SCAPER: variants seen among roughly 807,000 people sequenced by gnomAD.
SCAPER encodes S-phase cyclin A associated protein in the ER, also known as S phase cyclin A-associated protein in the endoplasmic reticulum.
In SCAPER, 98 loss-of-function variants were observed where a neutral mutation model predicts 182.2. The observed-to-expected ratio is 0.54, with a 90% CI of 0.46 to 0.64. SCAPER has a LOEUF of 0.64. Ranked by LOEUF, SCAPER falls within the 30% of genes least tolerant of loss-of-function variation. The probability of loss-of-function intolerance (pLI) is 0.00; values close to 1 mark genes in which losing one functional copy is unlikely to be tolerated. For missense variants in SCAPER, 1,432 were observed against 1,690.0 expected, an observed-to-expected ratio of 0.85 and a Z score of 2.68; for synonymous variants, 605 against 564.6, an observed-to-expected ratio of 1.07 and a Z score of -1.01.
rs151255854 is a variant in SCAPER at position 76,689,788 on chromosome 15, C to T, written c.2508+11970G>A. Among the ~76,000 whole-genome samples, 473 of 151,304 alleles carry T rather than the reference C, an allele frequency of 3.1e-3. 5 individuals are homozygous for T. Among genetic ancestry groups the T allele is most frequent in the African/African-American group, 0.011 (452 of 41,318 alleles). ...CTGCTGCTTACAAGATTATAAAATG[C>T]CAGTAAAGAGGTGTCCAAAAAAAAC... On this transcript the variant is annotated intron_variant, in intron 20 of 31. Transcript: ENST00000563290.
chr15:76,621,794 T>C lies in SCAPER; in HGVS notation c.2681A>G (p.Asn894Ser). ...TTTATAAGGTGAATCAGAGCCAGAATTTTTGGTTTCCATTAAACTCTCATA... is the reference window on the plus strand; with the variant it reads ...TTTATAAGGTGAATCAGAGCCAGAACTTTTGGTTTCCATTAAACTCTCATA... Reference protein sequence around the residue: ...KEYESLMETKNSGSDSPYKAK... With the variant: ...KEYESLMETKSSGSDSPYKAK... The change falls in exon 22 of 32, where the codon AAT (asparagine) becomes AGT (serine). Residue 894 changes from asparagine to serine, a missense_variant. Asn to Ser is a conservative substitution (Grantham distance 46). Coordinates refer to ENST00000563290, the MANE Select transcript of SCAPER (RefSeq NM_020843.4). The C allele has an allele frequency of 6.2e-7, 1 of 1,607,938 alleles. No individual in the cohort carries two copies. The highest frequency in any genetic ancestry group is 8.5e-7 in the Non-Finnish European group (1 of 1,177,074).
At position 76,648,133 on chromosome 15, in the gene SCAPER, G is replaced by A. The variant is rs569453434; in HGVS notation, c.2645+17520C>T. Among the ~76,000 whole-genome samples the A allele has an allele frequency of 4.0e-5, 6 of 151,462 alleles. 1 individual carries two copies. The highest frequency in any genetic ancestry group is 1.5e-4 in the African/African-American group (6 of 41,306). ...ACTCGGAGAAAAATCAGCGTGAAAA[G>A]GAATGACAGATATAATGGACTTCAA... On this transcript the variant is annotated intron_variant, in intron 21 of 31. Coordinates refer to ENST00000563290, the MANE Select transcript of SCAPER (RefSeq NM_020843.4).
chr15:76,762,322 T>C (rs2062837409), intron 14 of SCAPER, among the ~76,000 whole-genome samples: 1 of 151,908 alleles, frequency 6.6e-6, no homozygotes, highest in African/African-American at 2.4e-5. Context: ...TGCAGGCTTT[T>C]GTTCCTTACT....
At chr15:76,645,775 A>G (rs747674748) in intron 21 of SCAPER, among the ~76,000 whole-genome samples, 84 of 152,190 alleles carry the variant, frequency 5.5e-4, no homozygotes, top group Non-Finnish European at 3.1e-4. Flanking sequence ...TTGTATGCTG[A>G]TAAGTATTTA....
Position 76,403,699 on chromosome 15 carries a change from T to C in SCAPER, c.3467+825A>G, listed in dbSNP as rs201255914. 4.6e-5 allele frequency among the ~76,000 whole-genome samples: 7 copies of C among 152,304 alleles called. No individual in the cohort carries two copies. The East Asian group carries it at 1.3e-3, about 29-fold the overall frequency. ...ATAATTAAAAAATAGGTAATACATA[T>C]GTGCTGTTTAGAATTAATTATAAGA... On this transcript the variant is annotated intron_variant, in intron 27 of 31. Transcript: ENST00000563290.
At chr15:76,500,839 A>C (rs2041042410) in intron 24 of SCAPER, among the ~76,000 whole-genome samples, 1 of 152,064 alleles carries the variant, frequency 6.6e-6, no homozygotes, top group African/African-American at 2.4e-5. Flanking sequence ...CAGGAGTTTG[A>C]GACCATCCTG....
At chr15:76,436,844 C>T (rs183375112) in intron 25 of SCAPER, among the ~76,000 whole-genome samples, 2 of 152,176 alleles carry the variant, frequency 1.3e-5, no homozygotes, top group African/African-American at 4.8e-5. Flanking sequence ...GTTGAGACCA[C>T]ACTTTTCTGC....
chr15:76,722,204 G>T (rs2060288263), intron 17 of SCAPER, among the ~76,000 whole-genome samples: 1 of 152,014 alleles, frequency 6.6e-6, no homozygotes, highest in Non-Finnish European at 1.5e-5. Context: ...TTTGTCTTTG[G>T]TTCTGTTTAT....
At chr15:76,461,799 T>C (rs1017999961) in intron 25 of SCAPER, among the ~76,000 whole-genome samples, 3 of 152,192 alleles carry the variant, frequency 2.0e-5, no homozygotes, top group Non-Finnish European at 2.9e-5. Context: ...TCCCAAACAC[T>C]GTGAATGCTA....
chr15:76,895,761 C>A (rs1206947098), intron 1 of SCAPER, among the ~76,000 whole-genome samples: 1 of 152,092 alleles, frequency 6.6e-6, no homozygotes, highest in Admixed American at 6.5e-5. Flanking sequence ...ACAATCCCGG[C>A]CAGGTGCAGG....
intron 22 of SCAPER, among the ~76,000 whole-genome samples, chr15:76,582,088 G>A (rs2048311746): frequency 6.6e-6 from 1 of 152,090 alleles, no homozygotes; most frequent in South Asian, 2.1e-4. Flanking sequence ...ATTTAACATA[G>A]TACTGGAAGT....
chr15:76,798,903 C>G (rs2065536110), intron 7 of SCAPER, among the ~76,000 whole-genome samples: 1 of 151,446 alleles, frequency 6.6e-6, no homozygotes, highest in African/African-American at 2.4e-5. Context: ...CAGGCTCAAA[C>G]AAAAGGACAA....
At chr15:76,476,862 GATATAAAAATTTACTTCAATTAATCTCTT>G (rs2050689827) in intron 24 of SCAPER, among the ~76,000 whole-genome samples, 1 of 151,908 alleles carries the variant, frequency 6.6e-6, no homozygotes, top group Non-Finnish European at 1.5e-5. Flanking sequence ...TCATCCTGTG[GATATAAAAATTTACTTCAATTAATCTCTT>G]ACTATTCTGT....
chr15:76,378,155 C>A (rs992555141), intron 28 of SCAPER, among the ~76,000 whole-genome samples: 1 of 152,290 alleles, frequency 6.6e-6, no homozygotes, highest in East Asian at 1.9e-4. Context: ...AATGAGGATG[C>A]CTCCCTGTAA....
At chr15:76,688,196 T>C (rs1213662557) in intron 20 of SCAPER, among the ~76,000 whole-genome samples, 1 of 138,994 alleles carries the variant, frequency 7.2e-6, no homozygotes, top group Non-Finnish European at 1.6e-5. Context: ...CCAGTGATGA[T>C]GAGCTTTTCA....
At chr15:76,542,194 A>G (rs2044817753) in intron 23 of SCAPER, among the ~76,000 whole-genome samples, 1 of 152,154 alleles carries the variant, frequency 6.6e-6, no homozygotes, top group African/African-American at 2.4e-5. Flanking sequence ...GAGAAGGGAA[A>G]TGACTTGCCA....
At chr15:76,808,056 G>A (rs947113856) in intron 5 of SCAPER, among the ~76,000 whole-genome samples, 1 of 152,074 alleles carries the variant, frequency 6.6e-6, no homozygotes. Flanking sequence ...TGAGTCTCCT[G>A]GGATCCCAGA....
intron 23 of SCAPER, among the ~76,000 whole-genome samples, chr15:76,553,890 T>C (rs2045977922): frequency 6.6e-6 from 1 of 152,176 alleles, no homozygotes; most frequent in South Asian, 2.1e-4. Context: ...AAAGAACTAG[T>C]GCAAGAATTC....
intron 26 of SCAPER, among the ~76,000 whole-genome samples, chr15:76,420,254 T>TA (rs2045935964): frequency 6.7e-6 from 1 of 149,852 alleles, no homozygotes; most frequent in South Asian, 2.1e-4. Context: ...TTTTTTTTTT[T>TA]TTATAGAGAT....
Sources: gnomAD v4.1 joint callset for allele counts (sites outside exome capture counted in the v4.1 genomes callset) on GRCh38, gnomAD v4.1.1 for gene constraint, MANE v1.5 for transcripts, NCBI Gene and HGNC (gene_info 2026-07-23, HGNC 2026-07-21) for gene names.